The following FBXO4 variants were observed in gnomAD, a reference collection of about 807,000 sequenced individuals.
FBXO4 encodes F-box only protein 4.
FBXO4 carries 36 observed loss-of-function variants against 43.7 expected under a neutral mutation model. That is an observed-to-expected ratio of 0.82 (90% CI 0.63 to 1.09). The LOEUF (loss-of-function observed/expected upper bound fraction) is 1.09. Ranked by LOEUF, FBXO4 falls within the 50% of genes least tolerant of loss-of-function variation. The probability of loss-of-function intolerance (pLI) is 0.00; values close to 1 mark genes in which losing one functional copy is unlikely to be tolerated. For missense variants in FBXO4, 435 were observed against 474.1 expected, an observed-to-expected ratio of 0.92 and a Z score of 0.77; for synonymous variants, 180 against 165.6, an observed-to-expected ratio of 1.09 and a Z score of -0.67.
intron 6 of FBXO4, among the ~76,000 whole-genome samples, chr5:41,940,875 T>C (rs1751987880): frequency 6.6e-6 from 1 of 152,150 alleles, no homozygotes; most frequent in Non-Finnish European, 1.5e-5. Flanking sequence ...CTAAAAAATG[T>C]TTTAGTTTTC....
At chr5:41,973,194 C>CAT in the FBXO4 span, among the ~76,000 whole-genome samples, 1 of 152,072 alleles carries the variant, frequency 6.6e-6, no homozygotes, top group African/African-American at 2.4e-5. Flanking sequence ...TCTAATATCT[C>CAT]ATATTTATTA....
Position 41,929,842 on chromosome 5 carries a change from AC to A in FBXO4, c.573del (p.Ser192LeufsTer4). ...TGGACCAGGTTTGGAAGAATTGAAT[AC>A]CTCTTTGGTGTTGAGCTTGATGTCT... ...MFGPGLEELN[T>X]SLVLSLMSSE... On this transcript the variant is annotated frameshift_variant, in exon 3 of 7. Coordinates refer to ENST00000281623, the MANE Select transcript of FBXO4 (RefSeq NM_012176.3). LOFTEE classifies it high-confidence loss of function. 1 of 1,614,116 alleles carries A rather than the reference AC, an allele frequency of 6.2e-7. No individual in the cohort carries two copies. The highest frequency in any genetic ancestry group is 1.1e-5 in the South Asian group (1 of 91,078).
chr5:41,935,365 C>T (rs1751822965), intron 5 of FBXO4, among the ~76,000 whole-genome samples: 1 of 152,188 alleles, frequency 6.6e-6, no homozygotes, highest in African/African-American at 2.4e-5. Flanking sequence ...TACAGGCATG[C>T]ATGTGATGAC....
the FBXO4 span, among the ~76,000 whole-genome samples, chr5:41,982,792 C>T: frequency 6.6e-6 from 1 of 151,916 alleles, no homozygotes; most frequent in Non-Finnish European, 1.5e-5. Context: ...TAGGTATACA[C>T]GTGCCATGGT....
At chr5:41,934,435 CCTTA>C (rs1751795299) in intron 5 of FBXO4, 127 bp downstream of exon 5, 2 of 1,509,250 alleles carry the variant, frequency 1.3e-6, no homozygotes, top group East Asian at 4.9e-5. Context: ...ATTTTCTGAC[CCTTA>C]CTATTAATAG....
At chr5:41,963,461 G>T in the FBXO4 span, among the ~76,000 whole-genome samples, 1 of 152,082 alleles carries the variant, frequency 6.6e-6, no homozygotes, top group East Asian at 1.9e-4. Flanking sequence ...GGTTAGGGCT[G>T]ATCCCCCACA....
In FBXO4 at chr5:41,927,138, G is replaced by A; in HGVS notation, c.315G>A (p.Arg105=). Residue 105 remains arginine (R), a synonymous_variant, in exon 2 of 7, where the codon AGG becomes AGA. Coordinates refer to ENST00000281623, the MANE Select transcript of FBXO4 (RefSeq NM_012176.3). ...DPILWRYFLL[R]DLPSWSSVDW... ...TTCTGTGGAGATACTTTTTGTTGAG[G>A]GATCTTCCTTCTTGGTCTTCTGTTG... The A allele has an allele frequency of 6.2e-7, 1 of 1,613,738 alleles. No homozygotes were observed. The highest frequency in any genetic ancestry group is 8.5e-7 in the Non-Finnish European group (1 of 1,179,852).
the FBXO4 span, among the ~76,000 whole-genome samples, chr5:42,006,979 T>A: frequency 4.2e-5 from 6 of 144,420 alleles, no homozygotes; most frequent in Non-Finnish European, 9.0e-5. Context: ...ATGATATATA[T>A]CAATATTATA....
chr5:41,932,798 A>G (rs865928625), intron 3 of FBXO4, among the ~76,000 whole-genome samples: 2 of 152,214 alleles, frequency 1.3e-5, no homozygotes, highest in African/African-American at 4.8e-5. Context: ...GAACAGATCT[A>G]GAAGAACATT....
chr5:41,936,927 C>T (rs1443897361), intron 5 of FBXO4, among the ~76,000 whole-genome samples: 1 of 151,914 alleles, frequency 6.6e-6, no homozygotes, highest in Non-Finnish European at 1.5e-5. Context: ...AATCACTTAG[C>T]TCTGCTATTG....
At chr5:41,977,114 C>T in the FBXO4 span, among the ~76,000 whole-genome samples, 1 of 152,146 alleles carries the variant, frequency 6.6e-6, no homozygotes, top group Non-Finnish European at 1.5e-5. Flanking sequence ...GATCTGGCCC[C>T]CCAAACCATT....
chr5:41,930,636 C>T (rs180881943), intron 3 of FBXO4, among the ~76,000 whole-genome samples: 18 of 151,430 alleles, frequency 1.2e-4, no homozygotes, highest in Admixed American at 8.6e-4. Flanking sequence ...TTCCAGGCAG[C>T]GAGAACTACA....
chr5:41,930,292 C>A, intron 3 of FBXO4: 1 of 105,194 alleles, frequency 9.5e-6, no homozygotes, highest in Non-Finnish European at 1.9e-5. Context: ...CATCACCTTC[C>A]CCTCTTTCTA....
the FBXO4 span, among the ~76,000 whole-genome samples, chr5:42,016,754 G>A: frequency 6.6e-6 from 1 of 152,098 alleles, no homozygotes; most frequent in South Asian, 2.1e-4. Context: ...TTAATAGTCT[G>A]TTGTAATTAC....
At chr5:42,036,828 A>ACATAC in the FBXO4 span, among the ~76,000 whole-genome samples, 2 of 151,784 alleles carry the variant, frequency 1.3e-5, no homozygotes, top group African/African-American at 4.8e-5. Context: ...TTTTTTCTTC[A>ACATAC]CATACCATAT....
At chr5:41,984,925 T>C in the FBXO4 span, among the ~76,000 whole-genome samples, 1 of 152,216 alleles carries the variant, frequency 6.6e-6, no homozygotes, top group East Asian at 1.9e-4. Context: ...TTTTTCCTTC[T>C]TGCTGTCAGT....
the FBXO4 span, among the ~76,000 whole-genome samples, chr5:41,968,751 A>G: frequency 3.3e-5 from 5 of 152,164 alleles, no homozygotes; most frequent in East Asian, 1.9e-4. Flanking sequence ...AATACGTAAT[A>G]ATAATAAATT....
At chr5:41,972,137 G>A in the FBXO4 span, among the ~76,000 whole-genome samples, 2 of 152,122 alleles carry the variant, frequency 1.3e-5, no homozygotes, top group South Asian at 4.1e-4. Flanking sequence ...TAGGAAGAGA[G>A]GAGGTAAAAT....
chr5:42,001,024 G>T, the FBXO4 span, among the ~76,000 whole-genome samples: 3 of 152,104 alleles, frequency 2.0e-5, no homozygotes, highest in African/African-American at 7.2e-5. Context: ...TTTCAGCTTT[G>T]CTATTCCTAT....
Sources: allele counts gnomAD v4.1 joint callset (sites outside exome capture counted in the v4.1 genomes callset), GRCh38; gene constraint gnomAD v4.1.1; transcripts MANE v1.5; gene names NCBI Gene and HGNC (gene_info 2026-07-23, HGNC 2026-07-21).